Variants in NRG1 observed in about 807,000 individuals in gnomAD.
NRG1 encodes neuregulin 1.
In NRG1, 18 loss-of-function variants were observed where a neutral mutation model predicts 63.8. That is an observed-to-expected ratio of 0.28 (90% CI 0.19 to 0.42). The LOEUF is 0.42. Among genes scored for constraint, NRG1 ranks in the 10% least tolerant of loss-of-function variants. The pLI is 1.00. For synonymous variants in NRG1, 302 were observed against 301.3 expected, an observed-to-expected ratio of 1.00 and a Z score of -0.02; for missense variants, 762 against 814.7, an observed-to-expected ratio of 0.94 and a Z score of 0.79.
intron 1 of NRG1, among the ~76,000 whole-genome samples, chr8:32,580,254 G>A (rs77617337): frequency 0.025 from 3,875 of 152,254 alleles, 64 homozygotes; most frequent in Middle Eastern, 0.078. Flanking sequence ...CCCTTTTGCT[G>A]TGTAAGGTAA....
At chr8:31,895,984 A>G (rs1197136096) in intron 1 of NRG1, among the ~76,000 whole-genome samples, 1 of 152,198 alleles carries the variant, frequency 6.6e-6, no homozygotes, top group African/African-American at 2.4e-5. Flanking sequence ...AGTGACTTTG[A>G]CATGCCTCTT....
intron 5 of NRG1, among the ~76,000 whole-genome samples, chr8:32,695,679 C>T (rs968237188): frequency 7.2e-5 from 11 of 152,190 alleles, no homozygotes; most frequent in African/African-American, 2.7e-4. Context: ...GACACTGTGC[C>T]GGGTATGTGT....
intron 5 of NRG1, among the ~76,000 whole-genome samples, chr8:32,711,112 C>A (rs948162850): frequency 6.6e-6 from 1 of 152,018 alleles, no homozygotes; most frequent in Non-Finnish European, 1.5e-5. Context: ...GAGGCGTCAT[C>A]GGGCAGAATA....
chr8:32,522,764 C>T (rs908795575), intron 1 of NRG1, among the ~76,000 whole-genome samples: 1 of 150,312 alleles, frequency 6.7e-6, no homozygotes, highest in African/African-American at 2.4e-5. Flanking sequence ...ACTCAGAATC[C>T]TTTTCTCAAA....
chr8:32,764,088 C>T (rs745607430), exon 12 of NRG1: 11 of 1,613,952 alleles, frequency 6.8e-6, no homozygotes, highest in African/African-American at 1.3e-5. Context: ...AGCCCAAGAG[C>T]CTGTTAAGAA....
intron 1 of NRG1, among the ~76,000 whole-genome samples, chr8:32,226,879 C>G (rs1000297523): frequency 3.3e-5 from 5 of 152,210 alleles, no homozygotes; most frequent in Admixed American, 1.3e-4. Context: ...AACAATAACT[C>G]AGCTCACTGC....
At chr8:32,161,309 GACTC>G (rs1252008295) in intron 1 of NRG1, among the ~76,000 whole-genome samples, 1 of 152,158 alleles carries the variant, frequency 6.6e-6, no homozygotes, top group Non-Finnish European at 1.5e-5. Context: ...GGCAGAGAGA[GACTC>G]ATTGAATCAG....
chr8:32,376,742 T>C (rs1809680240), intron 1 of NRG1, among the ~76,000 whole-genome samples: 2 of 152,200 alleles, frequency 1.3e-5, no homozygotes, highest in Non-Finnish European at 2.9e-5. Flanking sequence ...CCCTGAAACC[T>C]GGCTGCTGCA....
intron 1 of NRG1, among the ~76,000 whole-genome samples, chr8:32,027,446 TTCCTTCCTTCCTTCCTTCCTTCCC>T (rs1280841307): frequency 7.9e-6 from 1 of 126,358 alleles, no homozygotes; most frequent in Non-Finnish European, 1.6e-5. Flanking sequence ...CCTTCCTTCC[TTCCTTCCTTCCTTCCTTCCTTCCC>T]TCCCTCCCTC....
intron 1 of NRG1, among the ~76,000 whole-genome samples, chr8:32,040,520 C>G (rs1328834650): frequency 6.6e-6 from 1 of 151,280 alleles, no homozygotes; most frequent in Non-Finnish European, 1.5e-5. Context: ...TGTCCTTTGT[C>G]AGGTTGGAAA....
intron 1 of NRG1, among the ~76,000 whole-genome samples, chr8:31,701,013 G>T (rs990880997): frequency 6.6e-6 from 1 of 152,130 alleles, no homozygotes; most frequent in African/African-American, 2.4e-5. Context: ...TTCGCTGCTG[G>T]AGCAAAACTA....
chr8:32,312,780 C>G (rs942939061), intron 1 of NRG1, among the ~76,000 whole-genome samples: 1 of 111,380 alleles, frequency 9.0e-6, no homozygotes, highest in East Asian at 4.4e-4. Context: ...CTCCCTCTCT[C>G]CTTCCCTTCC....
intron 1 of NRG1, among the ~76,000 whole-genome samples, chr8:32,126,665 A>G (rs555674255): frequency 7.2e-5 from 11 of 152,014 alleles, no homozygotes; most frequent in East Asian, 3.9e-4. Flanking sequence ...AATGCAAACA[A>G]TGACCCAGCC....
At chr8:32,577,456 A>G (rs1170016127) in intron 1 of NRG1, among the ~76,000 whole-genome samples, 2 of 152,186 alleles carry the variant, frequency 1.3e-5, no homozygotes, top group Non-Finnish European at 2.9e-5. Flanking sequence ...CTGTAACTCC[A>G]TGCTTGCATT....
intron 1 of NRG1, among the ~76,000 whole-genome samples, chr8:32,463,917 GGA>G (rs1822703399): frequency 3.0e-5 from 1 of 33,166 alleles, no homozygotes; most frequent in East Asian, 2.0e-3. Context: ...TTTTTTTGGG[GGA>G]GGGTCTCATT....
intron 2 of NRG1, among the ~76,000 whole-genome samples, chr8:32,602,790 A>AT (rs1844600838): frequency 6.6e-6 from 1 of 151,940 alleles, no homozygotes; most frequent in African/African-American, 2.4e-5. Context: ...GTGCTTATCC[A>AT]TTTTTTTCCT....
chr8:32,263,791 T>C (rs1263766241), intron 1 of NRG1, among the ~76,000 whole-genome samples: 1 of 152,186 alleles, frequency 6.6e-6, no homozygotes, highest in Non-Finnish European at 1.5e-5. Flanking sequence ...TCTTAATTCG[T>C]CATCAGTGTA....
intron 1 of NRG1, among the ~76,000 whole-genome samples, chr8:32,470,371 C>CT (rs1274561409): frequency 6.7e-6 from 1 of 150,302 alleles, no homozygotes. Flanking sequence ...TTCTTTTTTT[C>CT]TTTTTTGTAT....
intron 1 of NRG1, among the ~76,000 whole-genome samples, chr8:31,873,588 G>T (rs1829675592): frequency 6.6e-6 from 1 of 152,046 alleles, no homozygotes; most frequent in African/African-American, 2.4e-5. Context: ...ACAAAACAAG[G>T]AGGGGCATGG....
Sources: allele counts gnomAD v4.1 joint callset (sites outside exome capture counted in the v4.1 genomes callset), GRCh38; gene constraint gnomAD v4.1.1; transcripts MANE v1.5; gene names NCBI Gene and HGNC (gene_info 2026-07-23, HGNC 2026-07-21).